The following SMG1 variants were observed in gnomAD, a reference collection of about 807,000 sequenced individuals.
SMG1 encodes the protein serine/threonine-protein kinase SMG1.
SMG1 carries 22 observed loss-of-function variants against 419.9 expected under a neutral mutation model. That is an observed-to-expected ratio of 0.05 (90% CI 0.04 to 0.07). SMG1 has a LOEUF of 0.07. SMG1 is among the 10% of genes least tolerant of loss of function. The pLI is 1.00. For missense variants in SMG1, 3,185 were observed against 4,342.0 expected, an observed-to-expected ratio of 0.73 and a Z score of 7.49; for synonymous variants, 1,538 against 1,553.5, an observed-to-expected ratio of 0.99 and a Z score of 0.23.
chr16:18,869,369 G>T (rs973650695), intron 19 of SMG1, 66 bp from the exon 20 acceptor site: 2 of 1,310,228 alleles, frequency 1.5e-6, no homozygotes, highest in East Asian at 2.5e-5. Flanking sequence ...AAAAAAAAAT[G>T]CAAGGGGAAT....
intron 1 of SMG1, among the ~76,000 whole-genome samples, chr16:18,922,613 CA>C (rs1249604746): frequency 3.3e-5 from 5 of 152,276 alleles, no homozygotes; most frequent in African/African-American, 1.2e-4. Context: ...TACAGGCATG[CA>C]CCACCATATC....
intron 1 of SMG1, among the ~76,000 whole-genome samples, chr16:18,911,997 C>G (rs2037810571): frequency 6.7e-6 from 1 of 150,294 alleles, no homozygotes; most frequent in Non-Finnish European, 1.5e-5. Context: ...AGGAGAATCG[C>G]TTGAACCCGG....
chr16:18,815,169 T>C lies in SMG1; in HGVS notation c.10621+6A>G. 1.9e-6 allele frequency: 3 copies of C among 1,563,616 alleles called. No individual in the cohort carries two copies. The highest frequency in any genetic ancestry group is 2.6e-6 in the Non-Finnish European group (3 of 1,148,556). ...AACAGATCAAGACTCAGGACTCTTC[T>C]CCTACCTGCAGCGAAGGATGGCTGA... On this transcript the variant is annotated splice_donor_region_variant and intron_variant, in intron 60 of 62. Transcript: ENST00000446231.
chr16:18,920,479 T>G (rs531910739), intron 1 of SMG1, among the ~76,000 whole-genome samples: 2 of 150,820 alleles, frequency 1.3e-5, no homozygotes, highest in East Asian at 3.9e-4. Context: ...CATAATGGAG[T>G]AGGAGTTTGA....
intron 35 of SMG1, 72 bp downstream of exon 35, chr16:18,849,877 A>C: frequency 1.4e-6 from 2 of 1,444,350 alleles, no homozygotes; most frequent in Non-Finnish European, 1.9e-6. Flanking sequence ...AAACATAAGG[A>C]AACCACTTTT....
intron 1 of SMG1, among the ~76,000 whole-genome samples, chr16:18,903,610 G>C (rs1402350152): frequency 6.6e-6 from 1 of 152,186 alleles, no homozygotes; most frequent in Non-Finnish European, 1.5e-5. Context: ...GATCCAAGCA[G>C]TTTACATACG....
intron 23 of SMG1, chr16:18,866,339 A>G (rs1337017715): frequency 2.2e-6 from 1 of 455,376 alleles, no homozygotes; most frequent in Admixed American, 3.7e-5. Flanking sequence ...CTGAGGGGGA[A>G]GGAGCTCAAC....
intron 16 of SMG1, 53 bp from the exon 17 acceptor site, chr16:18,870,941 C>G: frequency 2.4e-6 from 2 of 831,638 alleles, no homozygotes; most frequent in East Asian, 5.3e-5. Flanking sequence ...AAATTATATC[C>G]CAGTTTGTCA....
Position 18,868,239 on chromosome 16 carries a change from C to T in SMG1, c.3146G>A (p.Arg1049Lys), listed in dbSNP as rs1035581069. 4 of 1,552,538 alleles carry T rather than the reference C, an allele frequency of 2.6e-6. No individual in the cohort carries two copies. The highest frequency in any genetic ancestry group is 3.5e-6 in the Non-Finnish European group (4 of 1,154,752). ...LLAGQPAVTV[R>K]HGFDLLTEMK... ...CTCTGTAAGCAAGTCAAAGCCATGTCTCACTGTCACTGCAGGCTGGCCTGC... is the reference window on the plus strand; with the variant it reads ...CTCTGTAAGCAAGTCAAAGCCATGTTTCACTGTCACTGCAGGCTGGCCTGC... Residue 1049 changes from arginine (R) to lysine (K), a missense_variant, in exon 22 of 63, where the codon AGA becomes AAA. Physicochemically the swap from Arg to Lys is conservative, Grantham distance 26. Coordinates refer to ENST00000446231, the MANE Select transcript of SMG1 (RefSeq NM_015092.5).
intron 6 of SMG1, among the ~76,000 whole-genome samples, chr16:18,887,074 A>G (rs1219406136): frequency 2.0e-5 from 3 of 152,330 alleles, no homozygotes; most frequent in South Asian, 2.1e-4. Context: ...GATGCTCAAC[A>G]AAGTGTGTGA....
chr16:18,905,335 C>T (rs1178143391), intron 1 of SMG1, among the ~76,000 whole-genome samples: 1 of 152,146 alleles, frequency 6.6e-6, no homozygotes, highest in Non-Finnish European at 1.5e-5. Context: ...CTGGACTCTT[C>T]GCAGACAAAC....
rs960051195 is a variant in SMG1, at chr16:18,848,109, G to A, written c.5624-76C>T. Reference sequence around the variant, plus strand: ...CATATGCTAGGTTAGGGAAAACACTGATAATCTATTTGACTCAAGAGCACT... The same window carrying A: ...CATATGCTAGGTTAGGGAAAACACTAATAATCTATTTGACTCAAGAGCACT... On this transcript the variant is annotated intron_variant, in intron 36 of 62. Coordinates refer to ENST00000446231, the MANE Select transcript of SMG1 (RefSeq NM_015092.5). The A allele has an allele frequency of 2.6e-5, 32 of 1,234,550 alleles. No individual in the cohort carries two copies. The African/African-American group carries it at 4.1e-4, about 16-fold the overall frequency. 76.5% of individuals were successfully genotyped at this position (1,234,550 alleles called of 1,614,324 possible). A position where few individuals can be genotyped will look rare whatever the true frequency, so the allele number is the denominator to read the frequency against.
chr16:18,864,592 C>A (rs1351629088), intron 23 of SMG1, among the ~76,000 whole-genome samples: 1 of 151,852 alleles, frequency 6.6e-6, no homozygotes, highest in Non-Finnish European at 1.5e-5. Flanking sequence ...CCCTCCCAGG[C>A]TCATGCAATC....
intron 3 of SMG1, among the ~76,000 whole-genome samples, chr16:18,895,236 G>A (rs1038438498): frequency 2.6e-5 from 4 of 151,942 alleles, no homozygotes; most frequent in Non-Finnish European, 4.4e-5. Context: ...GGTGGCTCAC[G>A]CCTGTAATGA....
chr16:18,892,419 T>G, intron 3 of SMG1, 65 bp from the exon 4 acceptor site: 1 of 1,315,712 alleles, frequency 7.6e-7, no homozygotes, highest in East Asian at 2.6e-5. Flanking sequence ...TTTAAATTTT[T>G]CAAATTAAAA....
chr16:18,926,174 G>GAGGAGGAGA lies in SMG1; in HGVS notation c.-142_-134dup. 1.3e-6 allele frequency: 1 copy of GAGGAGGAGA among 759,256 alleles called. No individual in the cohort carries two copies. The highest frequency in any genetic ancestry group is 3.9e-4 in the Middle Eastern group (1 of 2,562). The allele number at this position is 759,256 out of a possible 1,614,324, so 47.0% of individuals were successfully genotyped here. ...AGCCGAGAAGGAGGAGGAGGAGGAG[G>GAGGAGGAGA]AGGAGGAGAAGGAGGAGGCGGCGGA... is the stretch of plus-strand genomic sequence containing the variant. On this transcript the variant is annotated 5_prime_UTR_variant, in exon 1 of 63. Transcript: ENST00000446231.
In SMG1 at chr16:18,819,613, G is replaced by C; in HGVS notation, c.9783C>G (p.Leu3261=). The C allele has an allele frequency of 6.3e-7, 1 of 1,591,360 alleles. No individual in the cohort carries two copies. The highest frequency in any genetic ancestry group is 8.6e-7 in the Non-Finnish European group (1 of 1,168,126). Residue 3261 remains leucine, a synonymous_variant, in exon 56 of 63, where the codon CTC becomes CTG. Transcript: ENST00000446231. ...AALESSIEQR[L]KWAGGANPAL... is the part of the protein sequence containing the mutation. ...CAGGGTTGGCACCACCTGCCCACTTGAGTCGCTGTTCAATACTTGATTCAA... is the reference window on the plus strand; with the variant it reads ...CAGGGTTGGCACCACCTGCCCACTTCAGTCGCTGTTCAATACTTGATTCAA...
Position 18,854,696 on chromosome 16 carries a change from G to A in SMG1, c.4443C>T (p.Pro1481=), listed in dbSNP as rs757900422. The change falls in exon 30 of 63, where the codon CCC becomes CCT. Residue 1481 remains proline, a synonymous_variant. Coordinates refer to ENST00000446231, the MANE Select transcript of SMG1 (RefSeq NM_015092.5). ...ATTTGGTTTTTTCAATATCAAGTTC[G>A]GGCCCCCATTTTTCATCCACTTGAC... ...TQGQVDEKWG[P]ELDIEKTKLL... The A allele has an allele frequency of 7.4e-6, 12 of 1,613,484 alleles. No homozygotes were observed. The highest frequency in any genetic ancestry group is 6.7e-5 in the East Asian group (3 of 44,870).
Position 18,819,577 on chromosome 16 carries a change from A to G in SMG1, c.9819T>C (p.Pro3273=), listed in dbSNP as rs202095869. Residue 3273 remains proline (P), a synonymous_variant, in exon 56 of 63, where the codon CCT becomes CCC. Transcript: ENST00000446231. ...WAGGANPALA[P]VLQDFEATIA... ...TCGTTGCTTCAAAATCTTGTAGTAC[A>G]GGGGCCAATGCAGGGTTGGCACCAC... The G allele has an allele frequency of 4.9e-5, 78 of 1,601,018 alleles. 1 individual carries two copies. In the East Asian group the frequency reaches 1.7e-3, roughly 35 times the overall value.
Sources: allele counts gnomAD v4.1 joint callset (sites outside exome capture counted in the v4.1 genomes callset), GRCh38; gene constraint gnomAD v4.1.1; transcripts MANE v1.5; gene names NCBI Gene and HGNC (gene_info 2026-07-23, HGNC 2026-07-21).